Variants in CDIN1 observed in about 807,000 individuals in gnomAD.
CDIN1 encodes CDAN1-interacting nuclease 1.
A neutral mutation model predicts 45.3 loss-of-function variants in CDIN1; 33 were observed. That is an observed-to-expected ratio of 0.73 (90% CI 0.55 to 0.97). The LOEUF (loss-of-function observed/expected upper bound fraction) is 0.97, where lower values mean the gene tolerates loss of function less well. Among genes scored for constraint, CDIN1 ranks in the 50% least tolerant of loss-of-function variants. CDIN1 has a pLI of 0.00. For synonymous variants in CDIN1, 118 were observed against 124.4 expected (o/e 0.95, Z 0.34); for missense variants, 303 against 339.4 (o/e 0.89, Z 0.84).
At chr15:36,794,105 C>G (rs1307493388) in intron 10 of CDIN1, among the ~76,000 whole-genome samples, 8 of 143,314 alleles carry the variant, frequency 5.6e-5, no homozygotes, top group African/African-American at 1.8e-4. Flanking sequence ...GTCACCCAGG[C>G]TGGAGTGCAG....
chr15:36,804,131 C>T (rs2055142932), intron 10 of CDIN1, among the ~76,000 whole-genome samples: 2 of 152,032 alleles, frequency 1.3e-5, no homozygotes, highest in South Asian at 4.1e-4. Context: ...TTGTACCAAC[C>T]TCATGGAGTT....
intron 1 of CDIN1, among the ~76,000 whole-genome samples, chr15:36,599,053 T>A (rs2602923): frequency 1.3e-5 from 2 of 151,490 alleles, no homozygotes; most frequent in Non-Finnish European, 1.5e-5. Context: ...GATGTGGGCC[T>A]GTGCTTATTT....
chr15:36,775,803 C>T (rs368159930), intron 10 of CDIN1, among the ~76,000 whole-genome samples: 40 of 152,090 alleles, frequency 2.6e-4, no homozygotes, highest in African/African-American at 7.7e-4. Context: ...AAACCTACTT[C>T]GTAATTTTAC....
chr15:36,676,802 G>A (rs1307836515), intron 5 of CDIN1, among the ~76,000 whole-genome samples: 1 of 152,112 alleles, frequency 6.6e-6, no homozygotes, highest in Non-Finnish European at 1.5e-5. Flanking sequence ...GCTCTGCATG[G>A]AGCACTAGCT....
chr15:36,587,305 C>T (rs917278526), intron 1 of CDIN1, among the ~76,000 whole-genome samples: 24 of 152,088 alleles, frequency 1.6e-4, no homozygotes, highest in African/African-American at 5.8e-4. Flanking sequence ...AATTGCTGTT[C>T]CTAGTAAGAT....
At chr15:36,797,979 C>CAAAAAAAAAAAAAAAAAAA (rs570630838) in intron 10 of CDIN1, among the ~76,000 whole-genome samples, 1 of 55,268 alleles carries the variant, frequency 1.8e-5, no homozygotes, top group South Asian at 5.8e-4. Context: ...GACTCCATCT[C>CAAAAAAAAAAAAAAAAAAA]AAAAAAAAAA....
chr15:36,584,503 T>G (rs1414982630), intron 1 of CDIN1, among the ~76,000 whole-genome samples: 2 of 152,224 alleles, frequency 1.3e-5, no homozygotes, highest in African/African-American at 2.4e-5. Context: ...GTGTACTGCA[T>G]CTTTATTGTC....
chr15:36,637,068 A>G (rs1284672361), intron 1 of CDIN1, among the ~76,000 whole-genome samples: 1 of 152,210 alleles, frequency 6.6e-6, no homozygotes, highest in African/African-American at 2.4e-5. Flanking sequence ...AGTCATCAAA[A>G]TGGTGTGGTA....
intron 10 of CDIN1, among the ~76,000 whole-genome samples, chr15:36,749,596 G>A (rs1175348257): frequency 1.3e-5 from 2 of 152,160 alleles, no homozygotes; most frequent in Admixed American, 1.3e-4. Flanking sequence ...GCTGTCTGCC[G>A]CTAGATCGGA....
At chr15:36,800,897 G>GTATA (rs1566984210) in intron 10 of CDIN1, among the ~76,000 whole-genome samples, 2 of 27,162 alleles carry the variant, frequency 7.4e-5, no homozygotes, top group African/African-American at 1.2e-4. Context: ...GTGTGTGTGT[G>GTATA]TGTGTGTGTG....
At chr15:36,606,083 A>G (rs375942217) in intron 1 of CDIN1, among the ~76,000 whole-genome samples, 50 of 152,058 alleles carry the variant, frequency 3.3e-4, no homozygotes, top group East Asian at 3.1e-3. Flanking sequence ...CCAGAATTCT[A>G]TCTGCCTCCT....
intron 10 of CDIN1, among the ~76,000 whole-genome samples, chr15:36,794,351 T>A (rs2054734492): frequency 6.6e-6 from 1 of 152,142 alleles, no homozygotes; most frequent in African/African-American, 2.4e-5. Flanking sequence ...ACATCATAAC[T>A]ATTTTTAAGT....
At position 36,754,915 on chromosome 15, in the gene CDIN1, A is replaced by G. The variant is rs550882402; in HGVS notation, c.716+44954A>G. Among the ~76,000 whole-genome samples the G allele has an allele frequency of 1.1e-4, 16 of 152,312 alleles. No individual in the cohort carries two copies. The East Asian group carries it at 1.9e-3, about 18-fold the overall frequency. On this transcript the variant is annotated intron_variant, in intron 10 of 10. Transcript: ENST00000566621. The stretch of plus-strand genomic sequence containing the variant: ...TTCTTTGATTTTTCTACCAAAAAAA[A>G]GGCCCACCCCATCATTTTCTATTTT...
chr15:36,684,924 T>C (rs1164757210), intron 5 of CDIN1, among the ~76,000 whole-genome samples: 2 of 150,874 alleles, frequency 1.3e-5, no homozygotes, highest in Admixed American at 1.3e-4. Flanking sequence ...TCGGTGGTGA[T>C]ATCCCCTTTA....
rs139119073 is a variant in CDIN1, at chr15:36,754,739, G to A, written c.716+44778G>A. Among the ~76,000 whole-genome samples, 58 of 152,044 alleles carry A rather than the reference G, an allele frequency of 3.8e-4. 1 individual carries two copies. The highest frequency in any genetic ancestry group is 1.3e-3 in the African/African-American group (54 of 41,492). ...AATTATATAATTGTTTTTAAAGAAC[G>A]CAGAAGCAAGGATAAAAAGGCCTTT... On this transcript the variant is annotated intron_variant, in intron 10 of 10. Coordinates refer to ENST00000566621, the MANE Select transcript of CDIN1 (RefSeq NM_001321759.2).
intron 5 of CDIN1, among the ~76,000 whole-genome samples, chr15:36,686,494 G>T (rs2040748815): frequency 6.7e-6 from 1 of 150,148 alleles, no homozygotes; most frequent in African/African-American, 2.5e-5. Context: ...CACCAGCATG[G>T]CACATGTATA....
rs189050344 is a variant in CDIN1, at chr15:36,745,736, C to T, written c.716+35775C>T. 2.6e-5 allele frequency among the ~76,000 whole-genome samples: 4 copies of T among 152,094 alleles called. No homozygotes were observed. The East Asian group carries it at 7.7e-4, about 29-fold the overall frequency. On this transcript the variant is annotated intron_variant, in intron 10 of 10. Coordinates refer to ENST00000566621, the MANE Select transcript of CDIN1 (RefSeq NM_001321759.2). ...ATCTCAGCACTTTGGGAGGCCGAGG[C>T]GAGTGAATCATCTGAAGTCAGGAGT...
At chr15:36,595,803 G>A (rs113508569) in intron 1 of CDIN1, among the ~76,000 whole-genome samples, 1 of 152,288 alleles carries the variant, frequency 6.6e-6, no homozygotes, top group African/African-American at 2.4e-5. Flanking sequence ...AAATACTTGG[G>A]AGATGAATAG....
At position 36,701,078 on chromosome 15, in the gene CDIN1, ATAGG is replaced by A. The variant is rs201272182; in HGVS notation, c.544+3708_544+3711del. Among the ~76,000 whole-genome samples, 765 of 150,454 alleles carry A rather than the reference ATAGG, an allele frequency of 5.1e-3. 3 individuals carry two copies. The highest frequency in any genetic ancestry group is 8.3e-3 in the Non-Finnish European group (564 of 67,784). On this transcript the variant is annotated intron_variant, in intron 8 of 10. Transcript: ENST00000566621. ...GAGTGAGACCCTGTCTCTAACTAAAATAGGTAGGTAGGTAGGTAGGTAGATAGAT... is the reference window on the plus strand; with the variant it reads ...GAGTGAGACCCTGTCTCTAACTAAAATAGGTAGGTAGGTAGGTAGATAGAT...
Sources: allele counts gnomAD v4.1 joint callset (sites outside exome capture counted in the v4.1 genomes callset), GRCh38; gene constraint gnomAD v4.1.1; transcripts MANE v1.5; gene names NCBI Gene and HGNC (gene_info 2026-07-23, HGNC 2026-07-21).